ALK: variants seen among roughly 807,000 people sequenced by gnomAD.
The protein encoded by ALK is ALK receptor tyrosine kinase.
A neutral mutation model predicts 163.1 loss-of-function variants in ALK; 74 were observed. That is an observed-to-expected ratio of 0.45 (90% confidence interval 0.38 to 0.55). The LOEUF (loss-of-function observed/expected upper bound fraction) is 0.55, where lower values mean the gene tolerates loss of function less well. Among genes scored for constraint, ALK ranks in the 20% least tolerant of loss-of-function variants. ALK has a pLI of 0.00. For synonymous variants in ALK, 960 were observed against 843.2 expected (o/e 1.14, Z -2.40); for missense variants, 2,063 against 2,105.3 (o/e 0.98, Z 0.39).
At chr2:29,635,517 G>A (rs1288276079) in intron 3 of ALK, among the ~76,000 whole-genome samples, 1 of 152,168 alleles carries the variant, frequency 6.6e-6, no homozygotes, top group Non-Finnish European at 1.5e-5. Context: ...GGCAAGGAAA[G>A]AATTCTCCCC....
intron 1 of ALK, among the ~76,000 whole-genome samples, chr2:29,860,007 G>C (rs1666238847): frequency 6.6e-6 from 1 of 152,112 alleles, no homozygotes; most frequent in African/African-American, 2.4e-5. Context: ...AAGGGAGGAA[G>C]GTTGAAACAA....
At chr2:29,504,315 G>C (rs527461969) in intron 4 of ALK, among the ~76,000 whole-genome samples, 1 of 152,122 alleles carries the variant, frequency 6.6e-6, no homozygotes, top group African/African-American at 2.4e-5. Flanking sequence ...AGGGCTTTAG[G>C]CTGAGATTTT....
intron 3 of ALK, among the ~76,000 whole-genome samples, chr2:29,621,916 G>T (rs1249421378): frequency 1.3e-5 from 2 of 152,096 alleles, no homozygotes; most frequent in African/African-American, 4.8e-5. Flanking sequence ...CAAGCCTCTG[G>T]TGGGAATAAG....
intron 4 of ALK, among the ~76,000 whole-genome samples, chr2:29,406,888 G>T (rs1417615594): frequency 9.5e-6 from 1 of 105,458 alleles, no homozygotes; most frequent in Admixed American, 1.1e-4. Context: ...GCCAGAGTGA[G>T]ACTCCATCTC....
intron 26 of ALK, among the ~76,000 whole-genome samples, chr2:29,200,807 G>A (rs56026081): frequency 0.38 from 32,266 of 85,438 alleles, 5,706 homozygotes; most frequent in East Asian, 0.74. Context: ...ACATATATAT[G>A]TGTGTATATA....
intron 4 of ALK, among the ~76,000 whole-genome samples, chr2:29,529,551 T>C (rs1673060592): frequency 6.6e-6 from 1 of 152,228 alleles, no homozygotes; most frequent in Non-Finnish European, 1.5e-5. Flanking sequence ...CAAATCTCCA[T>C]CCTTTGTGAT....
At chr2:29,516,813 G>C (rs997257560) in intron 4 of ALK, among the ~76,000 whole-genome samples, 1 of 152,230 alleles carries the variant, frequency 6.6e-6, no homozygotes, top group East Asian at 1.9e-4. Context: ...TGCTATAAAC[G>C]TGGTAGCTGT....
Position 29,424,012 on chromosome 2 carries a change from C to A in ALK, c.1155-40153G>T, listed in dbSNP as rs533997263. On this transcript the variant is annotated intron_variant, in intron 4 of 28. Coordinates refer to ENST00000389048, the MANE Select transcript of ALK (RefSeq NM_004304.5). ...AATATATCTTTTCAGGCCTTTTTTTCATGTATCGCACATAAATATGTATTC... is the reference window on the plus strand; with the variant it reads ...AATATATCTTTTCAGGCCTTTTTTTAATGTATCGCACATAAATATGTATTC... Among the ~76,000 whole-genome samples, 9 of 152,140 alleles carry A rather than the reference C, an allele frequency of 5.9e-5. No individual in the cohort carries two copies. The East Asian group carries it at 1.5e-3, about 26-fold the overall frequency.
At chr2:29,875,691 T>C (rs566008814) in intron 1 of ALK, among the ~76,000 whole-genome samples, 1 of 152,346 alleles carries the variant, frequency 6.6e-6, no homozygotes, top group East Asian at 1.9e-4. Context: ...TGTTTGGTTT[T>C]CTGTTGCTGT....
chr2:29,311,327 G>A (rs10432707), intron 8 of ALK, among the ~76,000 whole-genome samples: 83,264 of 151,984 alleles, frequency 0.55, 24,468 homozygotes, highest in East Asian at 0.79. Context: ...TGGGGCTTCC[G>A]AAAACGGCAG....
chr2:29,399,520 G>A (rs995139828), intron 4 of ALK, among the ~76,000 whole-genome samples: 6 of 152,262 alleles, frequency 3.9e-5, no homozygotes, highest in Non-Finnish European at 7.3e-5. Context: ...AAGAGCTACA[G>A]GGCATGCTCA....
At chr2:29,283,704 T>C (rs985029562) in intron 9 of ALK, among the ~76,000 whole-genome samples, 1 of 152,174 alleles carries the variant, frequency 6.6e-6, no homozygotes, top group Non-Finnish European at 1.5e-5. Context: ...ATCTTGGTTT[T>C]TAAAAGAATC....
intron 4 of ALK, among the ~76,000 whole-genome samples, chr2:29,442,603 T>C (rs1283684079): frequency 6.6e-6 from 1 of 152,044 alleles, no homozygotes; most frequent in East Asian, 1.9e-4. Flanking sequence ...CTGGTAAAAA[T>C]GGGGATGTAG....
intron 4 of ALK, among the ~76,000 whole-genome samples, chr2:29,401,644 C>A (rs1385711103): frequency 6.6e-6 from 1 of 152,150 alleles, no homozygotes; most frequent in African/African-American, 2.4e-5. Context: ...AATCCCAAGG[C>A]CCTTTGGGAC....
chr2:29,632,070 C>T (rs189163848), intron 3 of ALK, among the ~76,000 whole-genome samples: 4 of 152,262 alleles, frequency 2.6e-5, no homozygotes, highest in East Asian at 3.9e-4. Flanking sequence ...GATGTGGGTC[C>T]GGATTCATCT....
At chr2:29,198,915 A>T (rs1669089606) in intron 26 of ALK, among the ~76,000 whole-genome samples, 2 of 151,348 alleles carry the variant, frequency 1.3e-5, no homozygotes, top group Non-Finnish European at 2.9e-5. Flanking sequence ...TATGTCAGAG[A>T]TGTTAACCTT....
At chr2:29,536,376 T>G (rs1393490098) in intron 3 of ALK, among the ~76,000 whole-genome samples, 1 of 152,026 alleles carries the variant, frequency 6.6e-6, no homozygotes, top group Non-Finnish European at 1.5e-5. Context: ...TCTCTCTCGC[T>G]CTCACTCTCA....
rs141810873 is a variant in ALK, at chr2:29,843,440, G to A, written c.667+76553C>T. 1.2e-4 allele frequency among the ~76,000 whole-genome samples: 19 copies of A among 152,240 alleles called. No homozygotes were observed. The East Asian group carries it at 3.7e-3, about 29-fold the overall frequency. The stretch of plus-strand genomic sequence containing the variant: ...CTGCTGGAAGAAAAGAAGGAAGGAG[G>A]AAGAAAAGAAGAAAGGGAGGCAGGA... On this transcript the variant is annotated intron_variant, in intron 1 of 28. Coordinates refer to ENST00000389048, the MANE Select transcript of ALK (RefSeq NM_004304.5).
chr2:29,898,116 T>A (rs1667320210), intron 1 of ALK, among the ~76,000 whole-genome samples: 1 of 152,160 alleles, frequency 6.6e-6, no homozygotes, highest in East Asian at 1.9e-4. Context: ...GGACAGCAGG[T>A]GACACAGTTC....
Sources: allele counts gnomAD v4.1 joint callset (sites outside exome capture counted in the v4.1 genomes callset), GRCh38; gene constraint gnomAD v4.1.1; transcripts MANE v1.5; gene names NCBI Gene and HGNC (gene_info 2026-07-23, HGNC 2026-07-21).